The following DSCAM variants were observed in gnomAD, a reference collection of about 807,000 sequenced individuals.
DSCAM encodes the protein DS cell adhesion molecule.
A neutral mutation model predicts 217.7 loss-of-function variants in DSCAM; 47 were observed. The ratio of observed to expected loss-of-function variants is 0.22; its 90% CI spans 0.17 to 0.28. DSCAM has a LOEUF of 0.28. Among genes scored for constraint, DSCAM ranks in the 10% least tolerant of loss-of-function variants. The pLI, the probability that DSCAM is intolerant of heterozygous loss-of-function variation, is 1.00. For synonymous variants in DSCAM, 1,056 were observed against 1,015.3 expected (o/e 1.04, Z -0.76); for missense variants, 2,080 against 2,618.3 (o/e 0.79, Z 4.49).
At chr21:40,139,837 GGTATGTGTGGT>G (rs2090267272) in intron 18 of DSCAM, among the ~76,000 whole-genome samples, 1 of 150,490 alleles carries the variant, frequency 6.6e-6, no homozygotes, top group Admixed American at 6.6e-5. Flanking sequence ...TGCGTGGTGT[GGTATGTGTGGT>G]GTATGTGGGG....
At chr21:40,205,949 A>G (rs9984703) in intron 11 of DSCAM, among the ~76,000 whole-genome samples, 86,526 of 151,898 alleles carry the variant, frequency 0.57, 26,479 homozygotes, top group African/African-American at 0.81. Flanking sequence ...AGGTTTTACC[A>G]CATTTGGCCT....
At chr21:40,033,995 C>T (rs1467962531) in intron 32 of DSCAM, among the ~76,000 whole-genome samples, 7 of 100,298 alleles carry the variant, frequency 7.0e-5, no homozygotes, top group Admixed American at 1.0e-4. Flanking sequence ...AACTAACAAA[C>T]AGAAAGGACA....
intron 28 of DSCAM, among the ~76,000 whole-genome samples, chr21:40,060,316 G>A (rs1601285678): frequency 6.6e-6 from 1 of 152,282 alleles, no homozygotes; most frequent in South Asian, 2.1e-4. Flanking sequence ...AGGCTAGGGA[G>A]AAGGAGTAGG....
chr21:40,508,564 G>A (rs896231413), intron 3 of DSCAM, among the ~76,000 whole-genome samples: 2 of 151,074 alleles, frequency 1.3e-5, no homozygotes, highest in Non-Finnish European at 3.0e-5. Flanking sequence ...TGCTGTTGTT[G>A]TTATCATCAT....
At chr21:40,732,081 G>A (rs1275998431) in intron 1 of DSCAM, among the ~76,000 whole-genome samples, 1 of 152,144 alleles carries the variant, frequency 6.6e-6, no homozygotes, top group Non-Finnish European at 1.5e-5. Flanking sequence ...TCTGAGGTCA[G>A]TGGTTAAGGC....
intron 3 of DSCAM, among the ~76,000 whole-genome samples, chr21:40,678,581 C>A (rs577007538): frequency 7.5e-4 from 114 of 152,254 alleles, no homozygotes; most frequent in African/African-American, 2.6e-3. Context: ...ATCCCTTTCC[C>A]CCATGTAACC....
At chr21:40,021,967 A>G (rs1247121238) in intron 32 of DSCAM, among the ~76,000 whole-genome samples, 1 of 152,224 alleles carries the variant, frequency 6.6e-6, no homozygotes. Context: ...AAACTTCCTG[A>G]ATTTTCTCAA....
At chr21:40,644,641 TTAATAGAAACCC>T (rs2089921870) in intron 3 of DSCAM, among the ~76,000 whole-genome samples, 1 of 152,192 alleles carries the variant, frequency 6.6e-6, no homozygotes, top group South Asian at 2.1e-4. Flanking sequence ...TTCTTTTAGC[TTAATAGAAACCC>T]TAAAGAACAT....
intron 11 of DSCAM, among the ~76,000 whole-genome samples, chr21:40,217,357 C>G (rs557897571): frequency 6.6e-6 from 1 of 152,234 alleles, no homozygotes; most frequent in South Asian, 2.1e-4. Context: ...GATTTCTGAG[C>G]CTTGTCAACA....
chr21:40,183,135 C>G (rs570181000), intron 14 of DSCAM, among the ~76,000 whole-genome samples: 1 of 148,470 alleles, frequency 6.7e-6, no homozygotes, highest in Admixed American at 6.8e-5. Flanking sequence ...GGAGAGGCAA[C>G]AAGAGAACCT....
At chr21:40,423,826 T>C (rs1367314307) in intron 3 of DSCAM, among the ~76,000 whole-genome samples, 1 of 150,554 alleles carries the variant, frequency 6.6e-6, no homozygotes, top group Admixed American at 6.6e-5. Flanking sequence ...ATGAATGGCA[T>C]TTCATAGATG....
intron 20 of DSCAM, among the ~76,000 whole-genome samples, chr21:40,114,063 T>G (rs1223012654): frequency 6.6e-6 from 1 of 151,826 alleles, no homozygotes; most frequent in Admixed American, 6.6e-5. Context: ...AAAAAACTAC[T>G]TTAAAGTTCA....
At chr21:40,340,935 T>C (rs1204219197) in intron 6 of DSCAM, among the ~76,000 whole-genome samples, 3 of 152,162 alleles carry the variant, frequency 2.0e-5, no homozygotes, top group African/African-American at 7.2e-5. Flanking sequence ...GCCAGTTATG[T>C]AGGGTCTTCA....
chr21:40,421,762 C>T (rs1269354668), intron 3 of DSCAM, among the ~76,000 whole-genome samples: 1 of 152,212 alleles, frequency 6.6e-6, no homozygotes, highest in Non-Finnish European at 1.5e-5. Context: ...ACAAAAAGTA[C>T]TTGGATTTTA....
intron 3 of DSCAM, among the ~76,000 whole-genome samples, chr21:40,380,759 A>T (rs961517486): frequency 6.6e-6 from 1 of 152,184 alleles, no homozygotes; most frequent in Non-Finnish European, 1.5e-5. Flanking sequence ...CTGACACAGG[A>T]TATGGTTTGA....
rs188872681 is a variant in DSCAM, at chr21:40,394,918, G to A, written c.509-25673C>T. 2.6e-3 allele frequency among the ~76,000 whole-genome samples: 401 copies of A among 152,314 alleles called. 2 individuals are homozygous for A. Among genetic ancestry groups the A allele is most frequent in the African/African-American group, 9.2e-3 (383 of 41,562 alleles). On this transcript the variant is annotated intron_variant, in intron 3 of 32. Transcript: ENST00000400454. ...GAGGGGTTTAAAACTTTAATCCCAG[G>A]ATCTTTACTGTATGTTAAATATTTC...
chr21:40,164,360 T>C (rs929636030), intron 16 of DSCAM, among the ~76,000 whole-genome samples: 8 of 152,084 alleles, frequency 5.3e-5, no homozygotes, highest in African/African-American at 1.9e-4. Context: ...TAGGTATCCC[T>C]GGGAAGGCGA....
chr21:40,286,768 G>A (rs1300706180), intron 10 of DSCAM, among the ~76,000 whole-genome samples: 1 of 148,824 alleles, frequency 6.7e-6, no homozygotes. Flanking sequence ...TGATCCACAG[G>A]TGGATCTGAA....
At chr21:40,771,897 A>G (rs1298211565) in intron 1 of DSCAM, among the ~76,000 whole-genome samples, 1 of 151,266 alleles carries the variant, frequency 6.6e-6, no homozygotes, top group Non-Finnish European at 1.5e-5. Flanking sequence ...TATGTCGCAT[A>G]CAATGAAGAG....
Sources: gnomAD v4.1 joint callset for allele counts (sites outside exome capture counted in the v4.1 genomes callset) on GRCh38, gnomAD v4.1.1 for gene constraint, MANE v1.5 for transcripts, NCBI Gene and HGNC (gene_info 2026-07-23, HGNC 2026-07-21) for gene names.